ATG10: variants seen among roughly 807,000 people sequenced by gnomAD.
ATG10 encodes ubiquitin-like-conjugating enzyme ATG10.
In ATG10, 30 loss-of-function variants were observed where a neutral mutation model predicts 32.1. The ratio of observed to expected loss-of-function variants is 0.94; its 90% CI spans 0.70 to 1.27. ATG10 has a LOEUF of 1.27. Ranked by LOEUF, ATG10 falls within the 50% of genes most tolerant of loss-of-function variation. The pLI is 0.00. For synonymous variants in ATG10, 87 were observed against 91.5 expected (o/e 0.95, Z 0.28); for missense variants, 233 against 262.3 (o/e 0.89, Z 0.77).
intron 3 of ATG10, among the ~76,000 whole-genome samples, chr5:82,129,887 G>A (rs183185657): frequency 2.6e-5 from 4 of 152,216 alleles, no homozygotes; most frequent in Admixed American, 2.6e-4. Flanking sequence ...AGGGAGATCC[G>A]CTGCTCTTTT....
intron 5 of ATG10, among the ~76,000 whole-genome samples, chr5:82,194,980 C>G (rs1013625599): frequency 2.6e-5 from 4 of 152,162 alleles, no homozygotes; most frequent in Non-Finnish European, 1.5e-5. Context: ...TGCACATGTA[C>G]CAAAGTGGCT....
intron 3 of ATG10, among the ~76,000 whole-genome samples, chr5:82,131,243 A>C (rs942738192): frequency 3.3e-5 from 5 of 152,164 alleles, no homozygotes; most frequent in Non-Finnish European, 7.3e-5. Flanking sequence ...AAATGGCCAC[A>C]GCAAAACATT....
At chr5:82,139,684 G>A (rs1172666127) in intron 3 of ATG10, among the ~76,000 whole-genome samples, 2 of 145,898 alleles carry the variant, frequency 1.4e-5, no homozygotes, top group African/African-American at 5.1e-5. Flanking sequence ...GTCTCCGCCC[G>A]GCAGCCACCC....
chr5:82,089,071 G>C (rs1036622434), intron 3 of ATG10, among the ~76,000 whole-genome samples: 2 of 152,140 alleles, frequency 1.3e-5, no homozygotes, highest in African/African-American at 4.8e-5. Flanking sequence ...TGTGGTATTG[G>C]CTGGGCCTGG....
chr5:81,972,245 C>A lies in ATG10; in HGVS notation c.-74C>A, dbSNP rs867740630. 1 of 152,592 alleles carries A rather than the reference C, an allele frequency of 6.6e-6. No individual in the cohort carries two copies. The highest frequency in any genetic ancestry group is 1.5e-5 in the Non-Finnish European group (1 of 68,288). 9.5% of individuals were successfully genotyped at this position (152,592 alleles called of 1,614,324 possible). A position where few individuals can be genotyped will look rare whatever the true frequency, so the allele number is the denominator to read the frequency against. Reference sequence around the variant, plus strand: ...GTCCCTCTCCCCAGCTCTCCTCCCCCTGGCCCCGTCGCCCCGCCCTCGCCG... The same window carrying A: ...GTCCCTCTCCCCAGCTCTCCTCCCCATGGCCCCGTCGCCCCGCCCTCGCCG... On this transcript the variant is annotated 5_prime_UTR_variant, in exon 1 of 8. In the 5' UTR this introduces an upstream ATG that the reference lacks. Transcript: ENST00000282185.
intron 3 of ATG10, among the ~76,000 whole-genome samples, chr5:82,094,826 T>G (rs374798823): frequency 6.6e-6 from 1 of 152,076 alleles, no homozygotes. Flanking sequence ...CTATTACAAA[T>G]ATTGAAGTGG....
chr5:82,205,243 G>A (rs1745245271), intron 5 of ATG10, among the ~76,000 whole-genome samples: 1 of 152,212 alleles, frequency 6.6e-6, no homozygotes, highest in South Asian at 2.1e-4. Flanking sequence ...TGAGTAAGCA[G>A]AATGTGGTTT....
At chr5:81,989,982 A>C (rs1169650018) in intron 2 of ATG10, among the ~76,000 whole-genome samples, 1 of 152,032 alleles carries the variant, frequency 6.6e-6, no homozygotes, top group African/African-American at 2.4e-5. Flanking sequence ...CCATTCAGTC[A>C]CCTTATTGAA....
At chr5:82,149,852 TG>T (rs1767520573) in intron 3 of ATG10, among the ~76,000 whole-genome samples, 1 of 152,214 alleles carries the variant, frequency 6.6e-6, no homozygotes, top group Non-Finnish European at 1.5e-5. Flanking sequence ...TGATTTGCTC[TG>T]GAAAGGCCTT....
At chr5:82,022,849 T>A (rs1285035242) in intron 2 of ATG10, among the ~76,000 whole-genome samples, 1 of 151,904 alleles carries the variant, frequency 6.6e-6, no homozygotes, top group Non-Finnish European at 1.5e-5. Flanking sequence ...GGAACCAAGG[T>A]GTGTCTGCCT....
chr5:82,027,074 T>A (rs896657474), intron 2 of ATG10, among the ~76,000 whole-genome samples: 2 of 86,774 alleles, frequency 2.3e-5, no homozygotes, highest in African/African-American at 3.4e-5. Context: ...AATGAATAAA[T>A]AAAATAAATA....
At chr5:81,986,735 A>G (rs993284208) in intron 1 of ATG10, among the ~76,000 whole-genome samples, 13 of 152,282 alleles carry the variant, frequency 8.5e-5, no homozygotes, top group East Asian at 7.7e-4. Flanking sequence ...CCAAAGATAT[A>G]GAAACGGGAA....
At chr5:82,118,285 CAG>C (rs1168558414) in intron 3 of ATG10, among the ~76,000 whole-genome samples, 1 of 145,202 alleles carries the variant, frequency 6.9e-6, no homozygotes, top group African/African-American at 2.5e-5. Flanking sequence ...CCCACAAGAG[CAG>C]AGTGTCTTTC....
intron 3 of ATG10, among the ~76,000 whole-genome samples, chr5:82,063,753 A>G (rs759025642): frequency 2.6e-5 from 4 of 152,156 alleles, no homozygotes; most frequent in Non-Finnish European, 5.9e-5. Flanking sequence ...TGGCCTCCCA[A>G]AGTGCTGGGA....
chr5:82,133,438 A>G (rs1766619323), intron 3 of ATG10, among the ~76,000 whole-genome samples: 2 of 152,166 alleles, frequency 1.3e-5, no homozygotes, highest in African/African-American at 4.8e-5. Flanking sequence ...AGTTTTCTGC[A>G]TATGGCTAGC....
chr5:82,038,027 A>T (rs778301119), intron 2 of ATG10, among the ~76,000 whole-genome samples: 42 of 152,332 alleles, frequency 2.8e-4, no homozygotes, highest in Non-Finnish European at 4.3e-4. Context: ...AAAGCAATAG[A>T]TTCTGGCTAA....
intron 2 of ATG10, among the ~76,000 whole-genome samples, chr5:82,041,084 T>G (rs1561268782): frequency 6.6e-6 from 1 of 152,376 alleles, no homozygotes; most frequent in Non-Finnish European, 1.5e-5. Flanking sequence ...CTATTCTATT[T>G]TAATCTTCAG....
At chr5:82,224,608 T>TG (rs1243627243) in intron 5 of ATG10, among the ~76,000 whole-genome samples, 2 of 152,066 alleles carry the variant, frequency 1.3e-5, no homozygotes, top group Non-Finnish European at 2.9e-5. Context: ...TCTGGCAGGC[T>TG]GGAGGGAAAG....
chr5:82,149,094 A>G (rs1202271449), intron 3 of ATG10, among the ~76,000 whole-genome samples: 1 of 152,058 alleles, frequency 6.6e-6, no homozygotes, highest in Non-Finnish European at 1.5e-5. Context: ...CCTCTTACTA[A>G]TTGTGACCTT....
Sources: gnomAD v4.1 joint callset for allele counts (sites outside exome capture counted in the v4.1 genomes callset) on GRCh38, gnomAD v4.1.1 for gene constraint, MANE v1.5 for transcripts, NCBI Gene and HGNC (gene_info 2026-07-23, HGNC 2026-07-21) for gene names.